The following IGF2R variants were observed in gnomAD, a reference collection of about 807,000 sequenced individuals.
IGF2R encodes insulin like growth factor 2 receptor, also known as cation-independent mannose-6-phosphate receptor.
IGF2R carries 91 observed loss-of-function variants against 270.6 expected under a neutral mutation model. The ratio of observed to expected loss-of-function variants is 0.34; its 90% confidence interval spans 0.28 to 0.40. IGF2R has a LOEUF of 0.40. Among genes scored for constraint, IGF2R ranks in the 10% least tolerant of loss-of-function variants. The probability of loss-of-function intolerance (pLI) is 1.00; values close to 1 mark genes in which losing one functional copy is unlikely to be tolerated. For missense variants in IGF2R, 2,805 were observed against 3,188.3 expected, an observed-to-expected ratio of 0.88 and a Z score of 2.90; for synonymous variants, 1,316 against 1,258.9, an observed-to-expected ratio of 1.05 and a Z score of -0.96.
rs550186001 is a variant in IGF2R, at chr6:160,022,499, A to T, written c.514-2073A>T. ...ATAAAAAGACCATTAGTTCATAGGTATGAGAGACTGTCATAAATTAAAACC... is the reference window on the plus strand; with the variant it reads ...ATAAAAAGACCATTAGTTCATAGGTTTGAGAGACTGTCATAAATTAAAACC... On this transcript the variant is annotated intron_variant, in intron 4 of 47. Coordinates refer to ENST00000356956, the MANE Select transcript of IGF2R (RefSeq NM_000876.4). 2.6e-5 allele frequency among the ~76,000 whole-genome samples: 4 copies of T among 152,340 alleles called. No individual in the cohort carries two copies. In the East Asian group the frequency reaches 7.7e-4, roughly 29 times the overall value.
At chr6:160,047,493 G>A (rs1253322873) in intron 16 of IGF2R, among the ~76,000 whole-genome samples, 157 bp downstream of exon 16, 1 of 152,132 alleles carries the variant, frequency 6.6e-6, no homozygotes, top group East Asian at 1.9e-4. Flanking sequence ...ATTTTAAGCT[G>A]TTTATTTAGT....
intron 45 of IGF2R, among the ~76,000 whole-genome samples, chr6:160,098,944 C>G (rs753145241): frequency 1.3e-5 from 2 of 152,228 alleles, no homozygotes; most frequent in African/African-American, 2.4e-5. Context: ...CATCCTATAT[C>G]TCATCTGTTG....
intron 2 of IGF2R, among the ~76,000 whole-genome samples, chr6:159,993,027 A>C (rs937788445): frequency 2.0e-5 from 3 of 152,126 alleles, no homozygotes; most frequent in Non-Finnish European, 4.4e-5. Flanking sequence ...ACATTTTTAC[A>C]TATGCTTGTT....
chr6:160,092,307 T>C (rs1196639554), intron 44 of IGF2R, among the ~76,000 whole-genome samples: 1 of 152,080 alleles, frequency 6.6e-6, no homozygotes, highest in East Asian at 1.9e-4. Flanking sequence ...GCCCACCTTC[T>C]CATAGCAGGT....
chr6:160,027,464 T>G (rs1777587700), intron 6 of IGF2R, 150 bp downstream of exon 6: 1 of 902,274 alleles, frequency 1.1e-6, no homozygotes, highest in Admixed American at 2.9e-5. Flanking sequence ...TTGTTGGTCA[T>G]TGCTGTGAGT....
chr6:160,081,324 G>GC (rs1778977329), intron 39 of IGF2R, among the ~76,000 whole-genome samples: 1 of 152,034 alleles, frequency 6.6e-6, no homozygotes, highest in African/African-American at 2.4e-5. Flanking sequence ...GTTCTGTGAT[G>GC]CCCCCGAGCC....
intron 47 of IGF2R, among the ~76,000 whole-genome samples, chr6:160,104,211 C>T (rs1387144306): frequency 6.6e-6 from 1 of 152,070 alleles, no homozygotes; most frequent in Non-Finnish European, 1.5e-5. Context: ...TTTGTGGTCT[C>T]GATGGGTAAT....
chr6:160,012,763 AT>A (rs370417751), intron 4 of IGF2R, among the ~76,000 whole-genome samples: 19,984 of 127,742 alleles, frequency 0.16, 2,221 homozygotes, highest in Middle Eastern at 0.21. Flanking sequence ...ATATATATAT[AT>A]TTTTTTTTTT....
intron 37 of IGF2R, among the ~76,000 whole-genome samples, 170 bp from the exon 38 acceptor site, chr6:160,079,410 C>A (rs1453821893): frequency 1.3e-5 from 2 of 152,180 alleles, no homozygotes; most frequent in African/African-American, 4.8e-5. Flanking sequence ...GGGGAGGCCC[C>A]CCAGGGAAAG....
intron 12 of IGF2R, among the ~76,000 whole-genome samples, chr6:160,044,260 C>T (rs1226832914): frequency 6.6e-6 from 1 of 152,196 alleles, no homozygotes; most frequent in African/African-American, 2.4e-5. Flanking sequence ...CTTCATGGCG[C>T]TTTCTGGCTG....
At position 160,059,288 on chromosome 6, in the gene IGF2R, C is replaced by T. The variant is rs567488213; in HGVS notation, c.3091+190C>T. 1.5e-3 allele frequency among the ~76,000 whole-genome samples: 232 copies of T among 152,282 alleles called. 1 individual carries two copies. The highest frequency in any genetic ancestry group is 5.4e-3 in the African/African-American group (223 of 41,546). ...CGCAGAATACAGGGGTCCCGTTATCCGTGGCTTCACTTTTGTGGTATCACA... is the reference window on the plus strand; with the variant it reads ...CGCAGAATACAGGGGTCCCGTTATCTGTGGCTTCACTTTTGTGGTATCACA... On this transcript the variant is annotated intron_variant, in intron 22 of 47. Transcript: ENST00000356956.
intron 44 of IGF2R, among the ~76,000 whole-genome samples, chr6:160,091,007 G>A (rs1205770283): frequency 2.3e-5 from 3 of 128,492 alleles, no homozygotes; most frequent in Admixed American, 7.9e-5. Context: ...GAGAAGGAGC[G>A]GGTGCTCTGT....
chr6:160,096,682 A>T (rs1779367834), intron 45 of IGF2R, 57 bp downstream of exon 45: 1 of 1,345,490 alleles, frequency 7.4e-7, no homozygotes, highest in African/African-American at 1.5e-5. Flanking sequence ...CTTAAGAATA[A>T]GTGTATGTGT....
chr6:160,034,357 AG>A, intron 9 of IGF2R, 61 bp from the exon 10 acceptor site: 1 of 1,072,850 alleles, frequency 9.3e-7, no homozygotes, highest in Non-Finnish European at 1.4e-6. Context: ...ACATTTAAAA[AG>A]ATTCAAGTTT....
chr6:160,047,026 T>C, intron 15 of IGF2R, 133 bp from the exon 16 acceptor site: 1 of 770,902 alleles, frequency 1.3e-6, no homozygotes, highest in South Asian at 1.6e-5. Flanking sequence ...CTTGTGTGGG[T>C]TCCTGTGGTC....
At position 160,103,740 on chromosome 6, in the gene IGF2R, T is replaced by A. The variant is rs1291165929; in HGVS notation, c.6996-6T>A. ...GGAGTAATTATTGTCTCCTTTTTTT[T>A]TATAGGGAAACAGTGATAAGTAAGC... On this transcript the variant is annotated splice_region_variant and splice_polypyrimidine_tract_variant and intron_variant, in intron 46 of 47. Transcript: ENST00000356956. The A allele has an allele frequency of 8.7e-6, 14 of 1,604,584 alleles. No individual in the cohort carries two copies. The highest frequency in any genetic ancestry group is 2.7e-5 in the African/African-American group (2 of 74,706).
intron 45 of IGF2R, among the ~76,000 whole-genome samples, chr6:160,100,765 T>C: frequency 4.9e-5 from 2 of 40,796 alleles, no homozygotes; most frequent in Non-Finnish European, 9.4e-5. Context: ...TTTTTTTTTT[T>C]TTTTTTTTTT....
chr6:160,076,189 A>G (rs576402393), intron 36 of IGF2R, among the ~76,000 whole-genome samples, 193 bp downstream of exon 36: 54 of 152,390 alleles, frequency 3.5e-4, no homozygotes, highest in African/African-American at 1.1e-3. Flanking sequence ...CCCCGCAGTT[A>G]ACAGCATATA....
At chr6:160,093,450 G>C (rs367676407) in intron 44 of IGF2R, 1 of 414,006 alleles carries the variant, frequency 2.4e-6, no homozygotes, top group Admixed American at 3.4e-5. Flanking sequence ...CTTACTGCAC[G>C]ATGAAGAGTT....
Sources: gnomAD v4.1 joint callset for allele counts (sites outside exome capture counted in the v4.1 genomes callset) on GRCh38, gnomAD v4.1.1 for gene constraint, MANE v1.5 for transcripts, NCBI Gene and HGNC (gene_info 2026-07-23, HGNC 2026-07-21) for gene names.